The following SPTB variants were observed in gnomAD, a reference collection of about 807,000 sequenced individuals.
SPTB encodes the protein spectrin beta, erythrocytic.
A neutral mutation model predicts 256.2 loss-of-function variants in SPTB; 45 were observed. That is an observed-to-expected ratio of 0.18 (90% CI 0.14 to 0.23). The LOEUF is 0.23. Ranked by LOEUF, SPTB falls within the 10% of genes least tolerant of loss-of-function variation. The probability of loss-of-function intolerance (pLI) is 1.00; values close to 1 mark genes in which losing one functional copy is unlikely to be tolerated. For synonymous variants in SPTB, 1,231 were observed against 1,243.1 expected (o/e 0.99, Z 0.21); for missense variants, 2,715 against 3,040.4 (o/e 0.89, Z 2.52).
chr14:64,780,300 G>A (rs1359606021), intron 20 of SPTB, among the ~76,000 whole-genome samples: 2 of 152,226 alleles, frequency 1.3e-5, no homozygotes, highest in Non-Finnish European at 2.9e-5. Context: ...TCATGCTCAT[G>A]TGATAGGAGG....
chr14:64,749,875 G>A lies in SPTB; in HGVS notation c.6776+106C>T. On this transcript the variant is annotated intron_variant, in intron 34 of 35. Transcript: ENST00000644917. This position sits in a 1 kb window ranked among gnomAD's most constrained non-coding sequence, Gnocchi z 4.7. ...CCTCTTTGATTTGAAAAACCCCTGA[G>A]GAGCAGCTCAGGCCTGGCACTGGTC... The A allele has an allele frequency of 2.6e-6, 4 of 1,541,184 alleles. No homozygotes were observed. The highest frequency in any genetic ancestry group is 3.6e-6 in the Non-Finnish European group (4 of 1,116,070).
chr14:64,815,922 C>T (rs116787580), intron 2 of SPTB, among the ~76,000 whole-genome samples: 1,798 of 152,298 alleles, frequency 0.012, 45 homozygotes, highest in African/African-American at 0.041. Context: ...GGTCCCCTAA[C>T]GATAGCGGCA....
At position 64,795,272 on chromosome 14, in the gene SPTB, T is replaced by C. The variant is rs2139601747; in HGVS notation, c.1644+65A>G. On this transcript the variant is annotated intron_variant, in intron 12 of 35. Coordinates refer to ENST00000644917, the MANE Select transcript of SPTB (RefSeq NM_001355436.2). This position sits in a 1 kb window ranked among gnomAD's most constrained non-coding sequence, Gnocchi z 6.5. ...GGTGTCTAAGGAAGCCTATGCTAAC[T>C]GCAGGGCCACTGAGACCCAAGGTGA... The C allele has an allele frequency of 6.3e-7, 1 of 1,580,272 alleles. No homozygotes were observed. Among genetic ancestry groups the C allele is most frequent in the East Asian group, 2.2e-5 (1 of 44,722 alleles).
intron 9 of SPTB, among the ~76,000 whole-genome samples, chr14:64,798,584 C>T (rs2082821295): frequency 6.6e-6 from 1 of 152,342 alleles, no homozygotes; most frequent in African/African-American, 2.4e-5. Context: ...ACCCTGAGCC[C>T]AGCCTAATGG....
chr14:64,864,838 G>A (rs181288273), intron 1 of SPTB, among the ~76,000 whole-genome samples: 10 of 152,260 alleles, frequency 6.6e-5, no homozygotes, highest in African/African-American at 2.2e-4. Flanking sequence ...AGAAGGAGAG[G>A]GAAGGAGAGA....
intron 32 of SPTB, chr14:64,755,699 A>G (rs541985988): frequency 6.6e-6 from 1 of 152,266 alleles, no homozygotes; most frequent in African/African-American, 2.4e-5. Context: ...CATCCAAAAC[A>G]TTCACCCTAG....
In SPTB at chr14:64,804,996, G is replaced by A. The variant is rs1398995082; in HGVS notation, c.243C>T (p.Asp81=). 19 of 1,614,056 alleles carry A rather than the reference G, an allele frequency of 1.2e-5. No individual in the cohort carries two copies. Among genetic ancestry groups the A allele is most frequent in the Admixed American group, 1.7e-5 (1 of 60,006 alleles). ...TGATGAGCATGCGCCCATCCCGCAG[G>A]TCCTTGTAGAGATCGGTGATGCGGC... ...VSCRITDLYK[D]LRDGRMLIKL... The change falls in exon 3 of 36, where the codon GAC becomes GAT. Residue 81 remains aspartate (D), a synonymous_variant. Coordinates refer to ENST00000644917, the MANE Select transcript of SPTB (RefSeq NM_001355436.2).
rs763528404 is a variant in SPTB, at chr14:64,793,166, C to A, written c.2497G>T (p.Val833Leu). Residue 833 changes from valine to leucine, a missense_variant, in exon 14 of 36, where the codon GTG becomes TTG. This residue lies in a region of SPTB where 2,239 missense variants were observed against 2,384.4 expected (regional missense o/e 0.94). Transcript: ENST00000644917. The surrounding 1 kb of genome is among the most constrained non-coding windows in gnomAD (Gnocchi z 7.0). ...LQALRELYQQ[V>L]VAQADLRQQR... ...TGACGCAGGTCCGCCTGGGCCACCA[C>A]CTGTTGGTAGAGCTCCCGCAGGGCC... 2.5e-6 allele frequency: 4 copies of A among 1,613,914 alleles called. No individual in the cohort carries two copies. In the South Asian group the frequency reaches 4.4e-5, roughly 18 times the overall value.
At position 64,806,419 on chromosome 14, in the gene SPTB, C is replaced by G. The variant is rs2082985029; in HGVS notation, c.149-1329G>C. ...ACAGCCAGGACATACCTGGAGTGGC[C>G]TAGCCAGGAGCGGGGTCTGCCCGGT... On this transcript the variant is annotated intron_variant, in intron 2 of 35. Transcript: ENST00000644917. The surrounding 1 kb of genome is among the most constrained non-coding windows in gnomAD (Gnocchi z 4.1). Among the ~76,000 whole-genome samples the G allele has an allele frequency of 6.6e-6, 1 of 152,200 alleles. No individual in the cohort carries two copies. Among genetic ancestry groups the G allele is most frequent in the Non-Finnish European group, 1.5e-5 (1 of 68,030 alleles).
At chr14:64,765,017 A>AGTGTGTGTGTGTGTGTGTGTGTGT (rs749379191) in intron 32 of SPTB, among the ~76,000 whole-genome samples, 58 of 108,840 alleles carry the variant, frequency 5.3e-4, no homozygotes, top group South Asian at 3.5e-3. Flanking sequence ...GCCACAGAGG[A>AGTGTGTGTGTGTGTGTGTGTGTGT]GTGTGTGCGT....
rs375031494 is a variant in SPTB, at chr14:64,775,448, CG to C, written c.4564-46del. 6.6e-4 allele frequency: 1,049 copies of C among 1,586,546 alleles called. 6 individuals are homozygous for C. In the African/African-American group the frequency reaches 7.7e-3, roughly 12 times the overall value. On this transcript the variant is annotated intron_variant, in intron 22 of 35. Transcript: ENST00000644917. This position sits in a 1 kb window ranked among gnomAD's most constrained non-coding sequence, Gnocchi z 5.0. ...CTCGGGGCAGGGCCTTCCCACCATG[CG>C]GGGGAGGCTGCTTCAGCAGTGGCAG...
rs534004149 is a variant in SPTB at position 64,772,605 on chromosome 14, C to T, written c.5528G>A (p.Arg1843Gln). 3.0e-5 allele frequency: 48 copies of T among 1,610,188 alleles called. 1 individual carries two copies. The Admixed American group carries it at 3.3e-4, about 11-fold the overall frequency. ...SFHRVHTAFE[R>Q]ELHLLGVQVQ... ...CTGGACACCCAGCAGGTGGAGCTCC[C>T]GCTCGAAGGCTGTGTGCACCCGGTG... The change falls in exon 26 of 36, where the codon CGG becomes CAG. Residue 1843 changes from arginine (R) to glutamine (Q), a missense_variant. Transcript: ENST00000644917. The surrounding 1 kb of genome is among the most constrained non-coding windows in gnomAD (Gnocchi z 5.4).
rs1411102636 is a variant in SPTB at position 64,749,502 on chromosome 14, T to C, written c.6820-29A>G. 4 of 1,598,030 alleles carry C rather than the reference T, an allele frequency of 2.5e-6. No individual in the cohort carries two copies. The highest frequency in any genetic ancestry group is 3.4e-6 in the Non-Finnish European group (4 of 1,177,774). On this transcript the variant is annotated intron_variant, in intron 35 of 35. Coordinates refer to ENST00000644917, the MANE Select transcript of SPTB (RefSeq NM_001355436.2). This position sits in a 1 kb window ranked among gnomAD's most constrained non-coding sequence, Gnocchi z 4.7. ...CGGGGCGGAGGGTCACGGTGGAGTC[T>C]GGAGGCCCACAGCCCCCCACCTCCC...
rs557172723 is a variant in SPTB, at chr14:64,850,946, A to C, written c.-51-27801T>G. Among the ~76,000 whole-genome samples the C allele has an allele frequency of 3.3e-5, 5 of 152,344 alleles. No individual in the cohort carries two copies. The South Asian group carries it at 1.0e-3, about 32-fold the overall frequency. On this transcript the variant is annotated intron_variant, in intron 1 of 35. Transcript: ENST00000644917. Reference sequence around the variant, plus strand: ...AGACATTAGAGAAATAGAAGGACTAAGCTGGCCCCAATCCAGGTCTTCTTT... The same window carrying C: ...AGACATTAGAGAAATAGAAGGACTACGCTGGCCCCAATCCAGGTCTTCTTT...
intron 1 of SPTB, among the ~76,000 whole-genome samples, chr14:64,842,372 C>T (rs1338301295): frequency 6.6e-6 from 1 of 152,142 alleles, no homozygotes; most frequent in African/African-American, 2.4e-5. Flanking sequence ...AAATAGTAGA[C>T]TAAGGTAACT....
chr14:64,796,685 G>T lies in SPTB; in HGVS notation c.1213C>A (p.Arg405=). ...AWESLEEAEY[R]RELALRNELI... ...TCATTTCTCAGGGCCAGCTCCCGCC[G>T]ATACTCAGCTTCCTCCAGGCTTTCC... Residue 405 remains arginine, a synonymous_variant, in exon 11 of 36, where the codon CGG becomes AGG. Transcript: ENST00000644917. The surrounding 1 kb of genome is among the most constrained non-coding windows in gnomAD (Gnocchi z 4.1). The T allele has an allele frequency of 6.2e-7, 1 of 1,614,198 alleles. No homozygotes were observed.
chr14:64,787,405 G>C (rs1401262963), intron 15 of SPTB, among the ~76,000 whole-genome samples: 3 of 152,184 alleles, frequency 2.0e-5, no homozygotes, highest in Non-Finnish European at 4.4e-5. Flanking sequence ...AATTAATTAT[G>C]TGACTCCAAC....
intron 1 of SPTB, among the ~76,000 whole-genome samples, chr14:64,869,561 C>T (rs1473655018): frequency 6.6e-6 from 1 of 151,686 alleles, no homozygotes; most frequent in African/African-American, 2.4e-5. Flanking sequence ...CCTCTGGCCT[C>T]AGCCTCCTAA....
chr14:64,779,104 C>CAGGTGGGGGTGAGGAGGGGT lies in SPTB; in HGVS notation c.4563+33_4563+52dup. On this transcript the variant is annotated intron_variant, in intron 22 of 35. Transcript: ENST00000644917. This position sits in a 1 kb window ranked among gnomAD's most constrained non-coding sequence, Gnocchi z 4.2. Reference sequence around the variant, plus strand: ...AGGGCTGGGCCTACCCCCGTGGGGCCAGGTGGGGGTGAGGAGGGGTGGGTG... The same window carrying CAGGTGGGGGTGAGGAGGGGT: ...AGGGCTGGGCCTACCCCCGTGGGGCCAGGTGGGGGTGAGGAGGGGTAGGTGGGGGTGAGGAGGGGTGGGTG... 2 of 1,472,538 alleles carry CAGGTGGGGGTGAGGAGGGGT rather than the reference C, an allele frequency of 1.4e-6. No homozygotes were observed. Among genetic ancestry groups the CAGGTGGGGGTGAGGAGGGGT allele is most frequent in the Non-Finnish European group, 1.9e-6 (2 of 1,069,240 alleles). The allele number at this position is 1,472,538 out of a possible 1,614,324, so 91.2% of individuals were successfully genotyped here.
Sources: gnomAD v4.1 joint callset for allele counts (sites outside exome capture counted in the v4.1 genomes callset) on GRCh38, gnomAD v4.1.1 for gene constraint, gnomAD v4.1.1 regional missense constraint, Gnocchi (gnomAD v3.1) non-coding constraint, MANE v1.5 for transcripts, NCBI Gene and HGNC (gene_info 2026-07-23, HGNC 2026-07-21) for gene names.